ERGIC1: variants seen among roughly 807,000 people sequenced by gnomAD.
ERGIC1 encodes endoplasmic reticulum-Golgi intermediate compartment protein 1.
ERGIC1 carries 19 observed loss-of-function variants against 38.3 expected under a neutral mutation model. That is an observed-to-expected ratio of 0.50 (90% CI 0.35 to 0.73). The LOEUF is 0.73. ERGIC1 is among the 30% of genes least tolerant of loss of function. The probability of loss-of-function intolerance (pLI) is 0.01; values close to 1 mark genes in which losing one functional copy is unlikely to be tolerated. For synonymous variants in ERGIC1, 124 were observed against 157.6 expected, an observed-to-expected ratio of 0.79 and a Z score of 1.60; for missense variants, 294 against 389.2, an observed-to-expected ratio of 0.76 and a Z score of 2.06.
chr5:172,893,894 T>C (rs1161608425), intron 2 of ERGIC1, among the ~76,000 whole-genome samples: 1 of 32,164 alleles, frequency 3.1e-5, no homozygotes, highest in Non-Finnish European at 7.1e-5. Context: ...TATATATATA[T>C]ATATATATAT....
chr5:172,952,641 C>G lies in ERGIC1; in HGVS notation c.*1825C>G, dbSNP rs966455954. 1 of 151,948 alleles carries G rather than the reference C, an allele frequency of 6.6e-6. No homozygotes were observed. Among genetic ancestry groups the G allele is most frequent in the Non-Finnish European group, 1.5e-5 (1 of 67,994 alleles). The allele number at this position is 151,948 out of a possible 1,614,324, so 9.4% of individuals were successfully genotyped here. On this transcript the variant is annotated 3_prime_UTR_variant, in exon 10 of 10. Coordinates refer to ENST00000393784, the MANE Select transcript of ERGIC1 (RefSeq NM_001031711.3). ...GAAAAAAATGTTTTAGTTCTTTCCC[C>G]ACTCGTTGGGTTCAACTAGATTAAA...
At chr5:172,893,905 A>ATATATG (rs1173039695) in intron 2 of ERGIC1, among the ~76,000 whole-genome samples, 43 of 15,514 alleles carry the variant, frequency 2.8e-3, no homozygotes, top group East Asian at 4.6e-3. Flanking sequence ...ATATATATAT[A>ATATATG]TGTGTGTGTG....
At chr5:172,945,749 A>G (rs568255790) in intron 9 of ERGIC1, among the ~76,000 whole-genome samples, 1 of 152,230 alleles carries the variant, frequency 6.6e-6, no homozygotes, top group Non-Finnish European at 1.5e-5. Context: ...CAGTGGCTGA[A>G]TCTCGACTCA....
intron 9 of ERGIC1, among the ~76,000 whole-genome samples, chr5:172,941,308 T>C (rs1392713845): frequency 6.6e-6 from 1 of 151,906 alleles, no homozygotes; most frequent in Non-Finnish European, 1.5e-5. Flanking sequence ...GGGAAAAAAG[T>C]GATCATATAG....
intron 1 of ERGIC1, among the ~76,000 whole-genome samples, chr5:172,855,370 G>A (rs1761520605): frequency 6.6e-6 from 1 of 152,110 alleles, no homozygotes; most frequent in Non-Finnish European, 1.5e-5. Context: ...AGATGGTCTC[G>A]GGCCTAACCA....
At chr5:172,901,648 G>A (rs1762882333) in intron 3 of ERGIC1, among the ~76,000 whole-genome samples, 1 of 151,918 alleles carries the variant, frequency 6.6e-6, no homozygotes, top group Non-Finnish European at 1.5e-5. Context: ...CTGTTGCCCG[G>A]GCTGGAGGGC....
chr5:172,834,793 G>A lies in ERGIC1; in HGVS notation c.20+360G>A, dbSNP rs371134853. ...AGCATCCCTCTCCTCCCTCTACTGA[G>A]CCTCCTTGGTGGACCCCACCTCAGC... On this transcript the variant is annotated intron_variant, in intron 1 of 9. Coordinates refer to ENST00000393784, the MANE Select transcript of ERGIC1 (RefSeq NM_001031711.3). The surrounding 1 kb of genome is among the most constrained non-coding windows in gnomAD (Gnocchi z 4.1). Among the ~76,000 whole-genome samples the A allele has an allele frequency of 1.3e-3, 195 of 152,264 alleles. No individual in the cohort carries two copies. The highest frequency in any genetic ancestry group is 4.4e-3 in the African/African-American group (183 of 41,562).
At chr5:172,920,860 C>A (rs892369891) in intron 5 of ERGIC1, among the ~76,000 whole-genome samples, 3 of 152,254 alleles carry the variant, frequency 2.0e-5, no homozygotes, top group African/African-American at 7.2e-5. Context: ...GGGTTTCTTA[C>A]TCCCAGGGGT....
intron 9 of ERGIC1, chr5:172,937,342 C>A: frequency 6.6e-6 from 1 of 152,282 alleles, no homozygotes; most frequent in Non-Finnish European, 1.5e-5. Flanking sequence ...CCCAAGTTCA[C>A]TAGAAATTGG....
chr5:172,913,403 C>T (rs762250855), intron 4 of ERGIC1, among the ~76,000 whole-genome samples: 4 of 152,230 alleles, frequency 2.6e-5, no homozygotes, highest in African/African-American at 9.6e-5. Context: ...GAGTGAAAAG[C>T]GGACCTGCTT....
chr5:172,914,596 G>C, intron 4 of ERGIC1, 118 bp from the exon 5 acceptor site: 2 of 1,551,666 alleles, frequency 1.3e-6, no homozygotes, highest in African/African-American at 1.4e-5. Flanking sequence ...GCTCCTGGAG[G>C]TCCCCAGCCC....
intron 1 of ERGIC1, among the ~76,000 whole-genome samples, chr5:172,842,863 G>C (rs1761192051): frequency 6.6e-6 from 1 of 152,132 alleles, no homozygotes; most frequent in African/African-American, 2.4e-5. Flanking sequence ...AGGGTTTTTG[G>C]CCAGGCATGG....
intron 2 of ERGIC1, among the ~76,000 whole-genome samples, chr5:172,894,047 T>A (rs1762654983): frequency 7.9e-6 from 1 of 127,320 alleles, no homozygotes; most frequent in Non-Finnish European, 1.6e-5. Context: ...TACAGCTGGA[T>A]TTTTTTTTTT....
intron 2 of ERGIC1, among the ~76,000 whole-genome samples, chr5:172,893,918 T>TATATATACAC (rs1162989475): frequency 0.01 from 829 of 82,888 alleles, 52 homozygotes; most frequent in African/African-American, 0.036. Context: ...TGTGTGTGTG[T>TATATATACAC]GTGTGTGTGT....
At chr5:172,853,452 AT>A (rs1432688585) in intron 1 of ERGIC1, among the ~76,000 whole-genome samples, 1 of 152,158 alleles carries the variant, frequency 6.6e-6, no homozygotes, top group Non-Finnish European at 1.5e-5. Flanking sequence ...TGTTTTCCAA[AT>A]GACTACTTAG....
intron 1 of ERGIC1, among the ~76,000 whole-genome samples, chr5:172,871,599 C>T (rs1358771756): frequency 6.6e-6 from 1 of 152,214 alleles, no homozygotes; most frequent in African/African-American, 2.4e-5. Flanking sequence ...TTGTGTCTGA[C>T]CTCCGATGTG....
intron 8 of ERGIC1, chr5:172,934,295 G>T (rs1482957319): frequency 2.0e-5 from 3 of 152,288 alleles, no homozygotes; most frequent in Non-Finnish European, 2.9e-5. Context: ...ACCTTGAAGT[G>T]CCCAAACTGG....
intron 1 of ERGIC1, chr5:172,866,962 A>G (rs4868226): frequency 2.9e-6 from 1 of 340,702 alleles, no homozygotes; most frequent in Non-Finnish European, 5.9e-6. Context: ...AATGCATGAA[A>G]AAATGCATGA....
intron 6 of ERGIC1, among the ~76,000 whole-genome samples, chr5:172,925,502 T>A (rs1226666382): frequency 6.6e-6 from 1 of 152,168 alleles, no homozygotes; most frequent in Non-Finnish European, 1.5e-5. Context: ...TCAGTAAACA[T>A]CAGCCGCCTG....
Sources: allele counts gnomAD v4.1 joint callset (sites outside exome capture counted in the v4.1 genomes callset), GRCh38; gene constraint gnomAD v4.1.1; non-coding constraint Gnocchi (gnomAD v3.1); transcripts MANE v1.5; gene names NCBI Gene and HGNC (gene_info 2026-07-23, HGNC 2026-07-21).